IKZF2: variants seen among roughly 807,000 people sequenced by gnomAD.
The protein encoded by IKZF2 is zinc finger protein Helios.
IKZF2 carries 15 observed loss-of-function variants against 49.2 expected under a neutral mutation model. The ratio of observed to expected loss-of-function variants is 0.30; its 90% confidence interval spans 0.20 to 0.47. The LOEUF (loss-of-function observed/expected upper bound fraction) is 0.47. Among genes scored for constraint, IKZF2 ranks in the 20% least tolerant of loss-of-function variants. IKZF2 has a pLI of 1.00. For synonymous variants in IKZF2, 227 were observed against 221.4 expected (o/e 1.03, Z -0.23); for missense variants, 567 against 664.6 (o/e 0.85, Z 1.61).
At chr2:213,112,893 T>G (rs954269495) in intron 4 of IKZF2, among the ~76,000 whole-genome samples, 4 of 152,138 alleles carry the variant, frequency 2.6e-5, no homozygotes, top group Admixed American at 2.0e-4. Context: ...TTATTGAGAT[T>G]AAATGAATTA....
chr2:213,053,306 A>G (rs939347082), intron 5 of IKZF2, among the ~76,000 whole-genome samples: 23 of 152,146 alleles, frequency 1.5e-4, no homozygotes, highest in African/African-American at 5.5e-4. Flanking sequence ...TTTTAAATAC[A>G]ATAGAACAAT....
chr2:213,128,460 C>T (rs74444400), intron 4 of IKZF2, among the ~76,000 whole-genome samples: 3,288 of 152,230 alleles, frequency 0.022, 124 homozygotes, highest in African/African-American at 0.075. Flanking sequence ...TAATCCCTTA[C>T]GGCTTAACCC....
chr2:213,074,136 C>T (rs1448872357), intron 4 of IKZF2, among the ~76,000 whole-genome samples: 1 of 152,086 alleles, frequency 6.6e-6, no homozygotes, highest in Non-Finnish European at 1.5e-5. Flanking sequence ...CAGTATTTTG[C>T]CCTTTACTTT....
intron 6 of IKZF2, among the ~76,000 whole-genome samples, chr2:213,040,271 T>A (rs961966790): frequency 1.3e-5 from 2 of 151,754 alleles, no homozygotes; most frequent in Non-Finnish European, 2.9e-5. Flanking sequence ...TATAAATTAT[T>A]TTGTCATCCA....
rs775719661 is a variant in IKZF2 at position 213,007,556 on chromosome 2, T to C, written c.1385A>G (p.Asn462Ser). The C allele has an allele frequency of 3.5e-5, 57 of 1,613,590 alleles. No homozygotes were observed. Among genetic ancestry groups the C allele is most frequent in the African/African-American group, 5.3e-5 (4 of 74,878 alleles). ...GSLKDIYKVF[N>S]GEGEQIRAFK... ...GGCCCTAATCTGTTCTCCTTCTCCA[T>C]TGAAGACCTTGTAGATGTCCTTCAG... Residue 462 changes from asparagine to serine, a missense_variant, in exon 9 of 9, where the codon AAT (asparagine) becomes AGT (serine). Physicochemically the swap from Asn to Ser is conservative, Grantham distance 46. Coordinates refer to ENST00000434687, the MANE Select transcript of IKZF2 (RefSeq NM_001387220.1).
intron 4 of IKZF2, among the ~76,000 whole-genome samples, chr2:213,128,545 C>T (rs1166057687): frequency 6.6e-6 from 1 of 152,108 alleles, no homozygotes; most frequent in Non-Finnish European, 1.5e-5. Context: ...ACTACTTCTA[C>T]AGGGCCTCAC....
intron 4 of IKZF2, among the ~76,000 whole-genome samples, chr2:213,123,197 T>C (rs2060115159): frequency 6.6e-6 from 1 of 152,220 alleles, no homozygotes; most frequent in Admixed American, 6.5e-5. Context: ...TGGAAAACCG[T>C]GATGAATTTC....
chr2:213,035,275 C>T (rs1374118757), intron 6 of IKZF2, among the ~76,000 whole-genome samples: 1 of 151,474 alleles, frequency 6.6e-6, no homozygotes, highest in African/African-American at 2.4e-5. Flanking sequence ...CTGTAGCAGT[C>T]AACATCTTCT....
intron 4 of IKZF2, among the ~76,000 whole-genome samples, chr2:213,059,455 G>C (rs1256694874): frequency 5.9e-5 from 9 of 151,338 alleles, no homozygotes; most frequent in Admixed American, 5.9e-4. Flanking sequence ...TTCTGGTAAG[G>C]GAGACTTTTA....
At chr2:213,043,524 A>C (rs543036125) in intron 6 of IKZF2, among the ~76,000 whole-genome samples, 2 of 152,354 alleles carry the variant, frequency 1.3e-5, no homozygotes, top group African/African-American at 4.8e-5. Context: ...ATTTAAAATC[A>C]TTATATTCCC....
At chr2:213,061,807 C>T (rs1439681118) in intron 4 of IKZF2, among the ~76,000 whole-genome samples, 2 of 151,206 alleles carry the variant, frequency 1.3e-5, no homozygotes, top group Non-Finnish European at 1.5e-5. Context: ...CCAAAAATGG[C>T]CATAAAAGAG....
chr2:213,073,865 G>A (rs987345628), intron 4 of IKZF2, among the ~76,000 whole-genome samples: 1 of 152,134 alleles, frequency 6.6e-6, no homozygotes, highest in African/African-American at 2.4e-5. Context: ...GTAACATCCA[G>A]AAGTAGAAAA....
rs76040561 is a variant in IKZF2 at position 213,106,006 on chromosome 2, T to C, written c.139+41702A>G. On this transcript the variant is annotated intron_variant, in intron 4 of 8. Coordinates refer to ENST00000434687, the MANE Select transcript of IKZF2 (RefSeq NM_001387220.1). The stretch of plus-strand genomic sequence containing the variant: ...AAATGTACAATTTGTTTGAAAACGT[T>C]TTCTTCAATCAGTATATTTTTATGA... 7.7e-4 allele frequency among the ~76,000 whole-genome samples: 118 copies of C among 152,352 alleles called. 2 individuals carry two copies. In the East Asian group the frequency reaches 0.022, roughly 28 times the overall value.
chr2:213,075,543 C>T (rs1208323815), intron 4 of IKZF2, among the ~76,000 whole-genome samples: 1 of 151,990 alleles, frequency 6.6e-6, no homozygotes, highest in African/African-American at 2.4e-5. Flanking sequence ...CAGTTTGCTC[C>T]AAATGTCACC....
chr2:213,146,841 T>G (rs2061091386), intron 4 of IKZF2, among the ~76,000 whole-genome samples: 1 of 151,214 alleles, frequency 6.6e-6, no homozygotes. Flanking sequence ...TATTTACATG[T>G]AAGTCCAATG....
intron 4 of IKZF2, among the ~76,000 whole-genome samples, chr2:213,062,067 G>A (rs926278375): frequency 6.6e-6 from 1 of 151,302 alleles, no homozygotes; most frequent in Non-Finnish European, 1.5e-5. Flanking sequence ...TTAAGAAAAA[G>A]ATCACTTTAT....
intron 4 of IKZF2, among the ~76,000 whole-genome samples, chr2:213,145,070 T>C (rs1157015502): frequency 1.3e-5 from 2 of 151,554 alleles, no homozygotes; most frequent in Non-Finnish European, 3.0e-5. Flanking sequence ...CTTAAACAAA[T>C]GCTGGGACCT....
intron 4 of IKZF2, among the ~76,000 whole-genome samples, chr2:213,089,522 C>A (rs1041141159): frequency 6.6e-6 from 1 of 152,168 alleles, no homozygotes; most frequent in Non-Finnish European, 1.5e-5. Flanking sequence ...CAAACTGGTA[C>A]CCTTGCTGTT....
Position 213,022,068 on chromosome 2 carries a change from C to T in IKZF2, c.637G>A (p.Glu213Lys). The T allele has an allele frequency of 6.2e-7, 1 of 1,613,812 alleles. No individual in the cohort carries two copies. The highest frequency in any genetic ancestry group is 2.2e-5 in the East Asian group (1 of 44,870). ...TAGTTGTGGCAGCGTTCCTTGTGCT[C>T]CTCCAGTGAACTGCGCTGCTTGTAG... ...RSYKQRSSLE[E>K]HKERCHNYLQ... Residue 213 changes from glutamate (E) to lysine (K), a missense_variant, in exon 7 of 9, where the codon GAG becomes AAG. Coordinates refer to ENST00000434687, the MANE Select transcript of IKZF2 (RefSeq NM_001387220.1).
Sources: gnomAD v4.1 joint callset for allele counts (sites outside exome capture counted in the v4.1 genomes callset) on GRCh38, gnomAD v4.1.1 for gene constraint, MANE v1.5 for transcripts, NCBI Gene and HGNC (gene_info 2026-07-23, HGNC 2026-07-21) for gene names.